Variants in ISLR2 observed in about 807,000 individuals in gnomAD.
ISLR2 encodes immunoglobulin superfamily containing leucine-rich repeat protein 2.
In ISLR2, 16 loss-of-function variants were observed where a neutral mutation model predicts 25.5. That is an observed-to-expected ratio of 0.63 (90% CI 0.43 to 0.95). The LOEUF is 0.95. ISLR2 is among the 40% of genes least tolerant of loss of function. The pLI is 0.00. For synonymous variants in ISLR2, 508 were observed against 486.6 expected (o/e 1.04, Z -0.58); for missense variants, 883 against 1,030.7 (o/e 0.86, Z 1.96).
upstream of ISLR2, chr15:74,126,865 C>CTTCTTGAGGGTGTGGGGCTGG (rs1431252820): frequency 2.0e-5 from 3 of 150,442 alleles, no homozygotes; most frequent in Non-Finnish European, 4.4e-5. Flanking sequence ...AGGAAAGCAG[C>CTTCTTGAGGGTGTGGGGCTGG]TTCTTGAGGG....
intron 2 of ISLR2, among the ~76,000 whole-genome samples, chr15:74,108,692 G>A (rs903580864): frequency 1.3e-5 from 2 of 152,216 alleles, no homozygotes; most frequent in African/African-American, 4.8e-5. Flanking sequence ...TTCTGTACCA[G>A]GCCAGGGGTA....
At chr15:74,112,167 A>G (rs2072173056) in intron 2 of ISLR2, among the ~76,000 whole-genome samples, 1 of 152,214 alleles carries the variant, frequency 6.6e-6, no homozygotes, top group Non-Finnish European at 1.5e-5. Context: ...CCTTTGACAC[A>G]TTGGATGACT....
rs1045476777 is a variant in ISLR2, at chr15:74,135,281, C to T, written c.*289C>T. 5 of 399,094 alleles carry T rather than the reference C, an allele frequency of 1.3e-5. No homozygotes were observed. The highest frequency in any genetic ancestry group is 2.4e-5 in the Non-Finnish European group (5 of 208,118). 24.7% of individuals were successfully genotyped at this position (399,094 alleles called of 1,614,324 possible). ...TCCACCCGCAGACGGTGGGCGATAT[C>T]TATGTCCCTCCATTCCCGTCGCGAT... On this transcript the variant is annotated 3_prime_UTR_variant, in exon 3 of 3. Coordinates refer to ENST00000453268, the MANE Select transcript of ISLR2 (RefSeq NM_020851.3).
intron 1 of ISLR2, 143 bp downstream of exon 1, chr15:74,130,764 A>G (rs2072393974): frequency 6.6e-6 from 1 of 152,184 alleles, no homozygotes; most frequent in Non-Finnish European, 1.5e-5. Context: ...GGATGATTGT[A>G]AACTGTGAAG....
intron 2 of ISLR2, among the ~76,000 whole-genome samples, chr15:74,111,247 G>A (rs2072165190): frequency 6.6e-6 from 1 of 151,644 alleles, no homozygotes; most frequent in Admixed American, 6.6e-5. Context: ...ATCTCAAAAG[G>A]CCACATACTG....
chr15:74,109,479 C>G (rs2072149031), intron 2 of ISLR2, among the ~76,000 whole-genome samples: 1 of 152,268 alleles, frequency 6.6e-6, no homozygotes, highest in Non-Finnish European at 1.5e-5. Context: ...CAGGAGCATT[C>G]TTGTCACAGC....
In ISLR2 at chr15:74,134,573, C is replaced by G. The variant is rs1458099086; in HGVS notation, c.1819C>G (p.Pro607Ala). ...ATTCCTCCTGGTGCTGGCCACAGTGCCCCTTCTGGGCGCCGCCTGCTGCCA... is the reference window on the plus strand; with the variant it reads ...ATTCCTCCTGGTGCTGGCCACAGTGGCCCTTCTGGGCGCCGCCTGCTGCCA... ...SVFLLVLATV[P>A]LLGAACCHLL... Residue 607 changes from proline (P) to alanine (A), a missense_variant, in exon 3 of 3, where the codon CCC becomes GCC. By Grantham distance (27) the Pro-to-Ala change is conservative. This residue lies in a region of ISLR2 where 612 missense variants were observed against 642.8 expected (regional missense o/e 0.95). Transcript: ENST00000453268. The G allele has an allele frequency of 6.2e-7, 1 of 1,614,050 alleles. No individual in the cohort carries two copies. Among genetic ancestry groups the G allele is most frequent in the Non-Finnish European group, 8.5e-7 (1 of 1,180,034 alleles).
At position 74,104,114 on chromosome 15, in the gene ISLR2, G is replaced by A. The variant is rs1220362080; in HGVS notation, n.228+200G>A. On this transcript the variant is annotated intron_variant and non_coding_transcript_variant, in intron 2 of 3. Transcript: ENST00000561975. ...AGAGGTATTCCCATTAAGGTCAGGA[G>A]CAGTATGTGCTATCATTACCATGAT... 3.9e-5 allele frequency among the ~76,000 whole-genome samples: 6 copies of A among 152,328 alleles called. No individual in the cohort carries two copies. In the East Asian group the frequency reaches 7.7e-4, roughly 20 times the overall value.
In ISLR2 at chr15:74,133,266, G is replaced by C. The variant is rs2072470922; in HGVS notation, c.512G>C (p.Ser171Thr). 1 of 1,611,376 alleles carries C rather than the reference G, an allele frequency of 6.2e-7. No homozygotes were observed. Among genetic ancestry groups the C allele is most frequent in the African/African-American group, 1.3e-5 (1 of 74,952 alleles). Reference sequence around the variant, plus strand: ...GCGCCTGGCACCTTCGACGCGCTTAGCGCGCTGTCACACTTGCAACTCTAT... The same window carrying C: ...GCGCCTGGCACCTTCGACGCGCTTACCGCGCTGTCACACTTGCAACTCTAT... ...TLAPGTFDAL[S>T]ALSHLQLYHN... Residue 171 changes from serine to threonine, a missense_variant, in exon 3 of 3, where the codon AGC becomes ACC. By Grantham distance (58) the Ser-to-Thr change is moderately conservative (BLOSUM62 1). This residue lies in a region of ISLR2 where 271 missense variants were observed against 387.9 expected (regional missense o/e 0.70). Coordinates refer to ENST00000453268, the MANE Select transcript of ISLR2 (RefSeq NM_020851.3).
At chr15:74,119,356 G>A (rs769975992) in intron 2 of ISLR2, among the ~76,000 whole-genome samples, 11 of 152,040 alleles carry the variant, frequency 7.2e-5, no homozygotes, top group Non-Finnish European at 1.5e-4. Context: ...GACCACAGGC[G>A]TGCACCACCA....
chr15:74,133,598 G>A lies in ISLR2; in HGVS notation c.844G>A (p.Val282Ile). The change falls in exon 3 of 3, where the codon GTC becomes ATC. Residue 282 changes from valine to isoleucine, a missense_variant. By Grantham distance (29) the Val-to-Ile change is conservative. Coordinates refer to ENST00000453268, the MANE Select transcript of ISLR2 (RefSeq NM_020851.3). ...ACTTCAGATCCCCGGTGGCACCGTA[G>A]TCTTAGAGCCACCGGTTCTGAGCGG... ...WQLQIPGGTV[V>I]LEPPVLSGED... 2 of 1,614,136 alleles carry A rather than the reference G, an allele frequency of 1.2e-6. No individual in the cohort carries two copies. The highest frequency in any genetic ancestry group is 1.7e-6 in the Non-Finnish European group (2 of 1,180,006).
At chr15:74,137,347 AGG>A, downstream of ISLR2, among the ~76,000 whole-genome samples, 1 of 152,322 alleles carries the variant, frequency 6.6e-6, no homozygotes, top group South Asian at 2.1e-4. Context: ...AAAGCAGGAA[AGG>A]GGGAGAACCT....
chr15:74,103,176 C>G (rs1252805273), intron 1 of ISLR2, among the ~76,000 whole-genome samples: 1 of 146,104 alleles, frequency 6.8e-6, no homozygotes, highest in Admixed American at 6.9e-5. Context: ...TCCTGGAGCA[C>G]TACAGACACT....
chr15:74,127,111 T>C (rs2072308705), upstream of ISLR2: 4 of 152,134 alleles, frequency 2.6e-5, no homozygotes, highest in Admixed American at 2.6e-4. Flanking sequence ...TCAGAGGCCC[T>C]TCCCACATCT....
At chr15:74,121,945 C>G (rs2072255402) in intron 2 of ISLR2, among the ~76,000 whole-genome samples, 1 of 152,198 alleles carries the variant, frequency 6.6e-6, no homozygotes, top group South Asian at 2.1e-4. Context: ...GGATGGGATT[C>G]TGTTCTAGTG....
At chr15:74,125,782 T>C (rs1486868725), upstream of ISLR2, 1 of 152,206 alleles carries the variant, frequency 6.6e-6, no homozygotes, top group Non-Finnish European at 1.5e-5. Context: ...ATTCAGAAAA[T>C]TCCTCTCAGT....
intron 2 of ISLR2, among the ~76,000 whole-genome samples, chr15:74,112,189 C>A (rs934531005): frequency 1.2e-4 from 18 of 152,184 alleles, no homozygotes; most frequent in African/African-American, 4.3e-4. Flanking sequence ...GCATCTATAA[C>A]CCATTCAATG....
Position 74,135,186 on chromosome 15 carries a change from C to T in ISLR2, c.*194C>T. 13 of 657,486 alleles carry T rather than the reference C, an allele frequency of 2.0e-5. No individual in the cohort carries two copies. In the South Asian group the frequency reaches 2.6e-4, roughly 13 times the overall value. The allele number at this position is 657,486 out of a possible 1,614,324, so 40.7% of individuals were successfully genotyped here. A position where few individuals can be genotyped will look rare whatever the true frequency, so the allele number is the denominator to read the frequency against. ...TTTCACCAGTCCCTGCTACCCACGG[C>T]TGCCATTCTCCCTGCGGGCTGAATC... On this transcript the variant is annotated 3_prime_UTR_variant, in exon 3 of 3. Transcript: ENST00000453268.
chr15:74,126,551 T>A (rs2072299422), upstream of ISLR2: 1 of 152,146 alleles, frequency 6.6e-6, no homozygotes, highest in African/African-American at 2.4e-5. Flanking sequence ...TTCACCATGT[T>A]GGTCAGGCTG....
Sources: allele counts gnomAD v4.1 joint callset (sites outside exome capture counted in the v4.1 genomes callset), GRCh38; gene constraint gnomAD v4.1.1; regional missense constraint gnomAD v4.1.1; transcripts MANE v1.5; gene names NCBI Gene and HGNC (gene_info 2026-07-23, HGNC 2026-07-21).